Variants in SETBP1 observed in about 807,000 individuals in gnomAD.
SETBP1 encodes the protein SET-binding protein.
In SETBP1, 9 loss-of-function variants were observed where a neutral mutation model predicts 101.0. That is an observed-to-expected ratio of 0.09 (90% CI 0.05 to 0.16). The LOEUF (loss-of-function observed/expected upper bound fraction) is 0.16, where lower values mean the gene tolerates loss of function less well. SETBP1 is among the 10% of genes least tolerant of loss of function. The pLI is 1.00. For missense variants in SETBP1, 1,858 were observed against 2,033.8 expected (o/e 0.91, Z 1.66); for synonymous variants, 818 against 788.5 (o/e 1.04, Z -0.63).
Position 44,866,954 on chromosome 18 carries a change from G to A in SETBP1, c.487-2276G>A, listed in dbSNP as rs145420130. Among the ~76,000 whole-genome samples the A allele has an allele frequency of 3.4e-4, 52 of 152,168 alleles. No individual in the cohort carries two copies. The East Asian group carries it at 7.7e-3, about 23-fold the overall frequency. ...TATTCTGGCACTCAGCTTTTTTCCC[G>A]TGCCATATCTCCTCAACAAATGGTC... On this transcript the variant is annotated intron_variant, in intron 2 of 5. Transcript: ENST00000649279.
intron 3 of SETBP1, among the ~76,000 whole-genome samples, chr18:44,941,668 G>A (rs1446279480): frequency 6.6e-6 from 1 of 150,788 alleles, no homozygotes; most frequent in African/African-American, 2.4e-5. Context: ...TTTCCCTTCT[G>A]TATTTCAGTT....
intron 4 of SETBP1, among the ~76,000 whole-genome samples, chr18:45,018,592 T>A (rs540692833): frequency 2.9e-4 from 44 of 152,376 alleles, no homozygotes; most frequent in Middle Eastern, 3.4e-3. Flanking sequence ...AATAACAGCA[T>A]GCTAGTTAGG....
intron 2 of SETBP1, among the ~76,000 whole-genome samples, chr18:44,766,306 T>C (rs1030726799): frequency 4.6e-5 from 7 of 152,222 alleles, no homozygotes; most frequent in Admixed American, 3.3e-4. Flanking sequence ...TCTTAACTTC[T>C]TGTAGTCTTG....
chr18:44,824,918 G>C (rs1393459600), intron 2 of SETBP1, among the ~76,000 whole-genome samples: 1 of 152,258 alleles, frequency 6.6e-6, no homozygotes, highest in African/African-American at 2.4e-5. Flanking sequence ...TCTTGGTCTT[G>C]CTGCAGCCAT....
At chr18:45,026,458 C>T (rs1187899464) in intron 4 of SETBP1, among the ~76,000 whole-genome samples, 5 of 152,210 alleles carry the variant, frequency 3.3e-5, no homozygotes, top group African/African-American at 1.2e-4. Context: ...ACTGGACTAG[C>T]TTTCTTCCAC....
intron 2 of SETBP1, among the ~76,000 whole-genome samples, chr18:44,745,995 A>G (rs1022910426): frequency 1.3e-5 from 2 of 152,004 alleles, no homozygotes; most frequent in Admixed American, 6.6e-5. Context: ...GTGAAGAGAG[A>G]GCTTGAATTG....
intron 2 of SETBP1, among the ~76,000 whole-genome samples, chr18:44,790,601 G>T (rs1448528749): frequency 2.6e-5 from 4 of 152,196 alleles, no homozygotes; most frequent in African/African-American, 9.7e-5. Context: ...TATATTCCCA[G>T]GATTCCTTCA....
intron 2 of SETBP1, among the ~76,000 whole-genome samples, chr18:44,804,274 G>A (rs2071678623): frequency 6.6e-6 from 1 of 152,254 alleles, no homozygotes; most frequent in Admixed American, 6.5e-5. Context: ...GGATGAAAGA[G>A]GAGAATATGT....
At chr18:44,687,596 A>T (rs2068859493) in intron 1 of SETBP1, among the ~76,000 whole-genome samples, 1 of 152,198 alleles carries the variant, frequency 6.6e-6, no homozygotes, top group Admixed American at 6.5e-5. Context: ...AAAGGGATTA[A>T]ATTACCCACA....
intron 2 of SETBP1, among the ~76,000 whole-genome samples, chr18:44,725,501 G>A (rs2069687049): frequency 6.6e-6 from 1 of 152,168 alleles, no homozygotes; most frequent in African/African-American, 2.4e-5. Flanking sequence ...GCCCTTGCTT[G>A]AAAGATTCGG....
At chr18:44,760,190 C>T (rs1438217020) in intron 2 of SETBP1, among the ~76,000 whole-genome samples, 1 of 152,168 alleles carries the variant, frequency 6.6e-6, no homozygotes, top group Non-Finnish European at 1.5e-5. Context: ...TAAAGGTGGC[C>T]ATATAGAATA....
intron 3 of SETBP1, among the ~76,000 whole-genome samples, chr18:44,930,875 TA>T (rs963341731): frequency 8.5e-4 from 126 of 149,070 alleles, no homozygotes; most frequent in African/African-American, 2.2e-3. Flanking sequence ...TGTTGATCTT[TA>T]AAAAAAAAAC....
At chr18:44,764,917 T>G (rs932718943) in intron 2 of SETBP1, among the ~76,000 whole-genome samples, 4 of 152,216 alleles carry the variant, frequency 2.6e-5, no homozygotes, top group African/African-American at 9.7e-5. Context: ...TCACATTGTG[T>G]CCTTGTGCCT....
Position 44,864,250 on chromosome 18 carries a change from A to T in SETBP1, c.487-4980A>T, listed in dbSNP as rs534878069. On this transcript the variant is annotated intron_variant, in intron 2 of 5. Coordinates refer to ENST00000649279, the MANE Select transcript of SETBP1 (RefSeq NM_015559.3). ...ACAAGGGAATGCTAGTGGCAGCTGT[A>T]CCATGGATAGTTTTGGGTGGGAGAC... 2.0e-5 allele frequency among the ~76,000 whole-genome samples: 3 copies of T among 152,282 alleles called. No individual in the cohort carries two copies. In the South Asian group the frequency reaches 6.2e-4, roughly 32 times the overall value.
chr18:44,812,353 G>A (rs2071881809), intron 2 of SETBP1, among the ~76,000 whole-genome samples: 1 of 151,860 alleles, frequency 6.6e-6, no homozygotes, highest in Admixed American at 6.6e-5. Context: ...GTTTCCCTTT[G>A]GCCATCTATG....
intron 4 of SETBP1, among the ~76,000 whole-genome samples, chr18:45,033,372 C>G (rs1349353515): frequency 6.6e-6 from 1 of 152,192 alleles, no homozygotes; most frequent in Non-Finnish European, 1.5e-5. Context: ...CCTTTATTTC[C>G]TTGTTCGTAA....
At chr18:45,004,777 G>A (rs953523238) in intron 4 of SETBP1, among the ~76,000 whole-genome samples, 4 of 152,184 alleles carry the variant, frequency 2.6e-5, no homozygotes, top group Non-Finnish European at 5.9e-5. Context: ...TCGGCTGCTG[G>A]ACCATGCAGA....
intron 2 of SETBP1, among the ~76,000 whole-genome samples, chr18:44,778,015 A>G (rs1273154559): frequency 6.6e-6 from 1 of 152,184 alleles, no homozygotes; most frequent in Non-Finnish European, 1.5e-5. Context: ...CATGAAAATC[A>G]AGCTTCTTGT....
chr18:45,007,571 G>A (rs530008658), intron 4 of SETBP1, among the ~76,000 whole-genome samples: 1 of 151,998 alleles, frequency 6.6e-6, no homozygotes, highest in South Asian at 2.1e-4. Flanking sequence ...GCACCAGGAC[G>A]CAGTCTCCTG....
Sources: allele counts gnomAD v4.1 joint callset (sites outside exome capture counted in the v4.1 genomes callset), GRCh38; gene constraint gnomAD v4.1.1; transcripts MANE v1.5; gene names NCBI Gene and HGNC (gene_info 2026-07-23, HGNC 2026-07-21).